MAPK10: variants seen among roughly 807,000 people sequenced by gnomAD.
MAPK10 encodes the protein JNK3 alpha protein kinase.
MAPK10 carries 25 observed loss-of-function variants against 59.3 expected under a neutral mutation model. The ratio of observed to expected loss-of-function variants is 0.42; its 90% CI spans 0.31 to 0.59. MAPK10 has a LOEUF of 0.59. Ranked by LOEUF, MAPK10 falls within the 20% of genes least tolerant of loss-of-function variation. The pLI is 0.15. For missense variants in MAPK10, 351 were observed against 568.9 expected (o/e 0.62, Z 3.90); for synonymous variants, 190 against 200.5 (o/e 0.95, Z 0.44).
At chr4:86,398,341 T>C (rs1743248695) in intron 1 of MAPK10, among the ~76,000 whole-genome samples, 3 of 152,178 alleles carry the variant, frequency 2.0e-5, no homozygotes, top group Non-Finnish European at 2.9e-5. Context: ...GGGAACCAAC[T>C]CATTTGCATT....
intron 2 of MAPK10, among the ~76,000 whole-genome samples, chr4:86,304,297 A>G (rs1216050846): frequency 2.8e-5 from 4 of 145,240 alleles, no homozygotes; most frequent in African/African-American, 7.4e-5. Flanking sequence ...TGAAGTGTCA[A>G]GTTAAAAGAT....
rs1337192671 is a variant in MAPK10, at chr4:86,017,441, C to T, written c.1253-71G>A. 1 of 1,549,080 alleles carries T rather than the reference C, an allele frequency of 6.5e-7. No homozygotes were observed. Among genetic ancestry groups the T allele is most frequent in the Non-Finnish European group, 8.9e-7 (1 of 1,128,926 alleles). ...ACCCATCTTAATGCCATTCAGGATT[C>T]AGGGATGGGCAAATACAATAGGGGA... On this transcript the variant is annotated intron_variant, in intron 13 of 13. Transcript: ENST00000641462. This position sits in a 1 kb window ranked among gnomAD's most constrained non-coding sequence, Gnocchi z 4.4.
chr4:86,174,408 G>A (rs927926926), intron 3 of MAPK10, among the ~76,000 whole-genome samples: 1 of 152,136 alleles, frequency 6.6e-6, no homozygotes, highest in African/African-American at 2.4e-5. Context: ...ATAAGTGGGA[G>A]CTGAAAAATG....
chr4:86,172,095 C>G (rs373642493), intron 3 of MAPK10, among the ~76,000 whole-genome samples: 18,472 of 112,328 alleles, frequency 0.16, 2,917 homozygotes, highest in African/African-American at 0.38. Context: ...AGAGGATGTG[C>G]AGAAATAGGA....
At chr4:86,195,076 T>A (rs1459171508) in intron 2 of MAPK10, among the ~76,000 whole-genome samples, 1 of 152,164 alleles carries the variant, frequency 6.6e-6, no homozygotes, top group African/African-American at 2.4e-5. Flanking sequence ...AAAAATTCAA[T>A]TATATCATTT....
chr4:86,204,483 C>CA (rs1199292736), intron 2 of MAPK10, among the ~76,000 whole-genome samples: 1 of 151,762 alleles, frequency 6.6e-6, no homozygotes, highest in African/African-American at 2.4e-5. Flanking sequence ...AAAGGGACAC[C>CA]AATCAAGATA....
intron 1 of MAPK10, among the ~76,000 whole-genome samples, chr4:86,543,897 C>A (rs1456707107): frequency 6.6e-6 from 1 of 152,126 alleles, no homozygotes; most frequent in Non-Finnish European, 1.5e-5. Flanking sequence ...AACAAAAATA[C>A]CAACAACAAA....
At position 86,182,329 on chromosome 4, in the gene MAPK10, T is replaced by C. The variant is rs532150485; in HGVS notation, c.66+12007A>G. The stretch of plus-strand genomic sequence containing the variant: ...ACCTATTTTCTGTTAACAAATACTA[T>C]TCAGCAATTTCATTTTCCGTATTTC... On this transcript the variant is annotated intron_variant, in intron 3 of 13. Coordinates refer to ENST00000641462, the MANE Select transcript of MAPK10 (RefSeq NM_138982.4). Among the ~76,000 whole-genome samples the C allele has an allele frequency of 1.1e-4, 16 of 152,292 alleles. No individual in the cohort carries two copies. The South Asian group carries it at 3.3e-3, about 32-fold the overall frequency.
At chr4:86,189,231 T>C (rs1282722537) in intron 3 of MAPK10, among the ~76,000 whole-genome samples, 1 of 152,206 alleles carries the variant, frequency 6.6e-6, no homozygotes, top group Non-Finnish European at 1.5e-5. Flanking sequence ...TTATGGGCTC[T>C]TTTTTGGTTC....
At chr4:86,569,641 C>T (rs1345867770) in intron 1 of MAPK10, among the ~76,000 whole-genome samples, 1 of 152,044 alleles carries the variant, frequency 6.6e-6, no homozygotes, top group African/African-American at 2.4e-5. Context: ...AAAACCATGT[C>T]TTTTGCAGCA....
At chr4:86,205,168 AT>A (rs2083523879) in intron 2 of MAPK10, among the ~76,000 whole-genome samples, 1 of 152,026 alleles carries the variant, frequency 6.6e-6, no homozygotes. Flanking sequence ...ACATAAAAAA[AT>A]ATTTAAACCA....
At chr4:86,531,017 C>T (rs1454106615) in intron 1 of MAPK10, among the ~76,000 whole-genome samples, 2 of 152,182 alleles carry the variant, frequency 1.3e-5, no homozygotes, top group Non-Finnish European at 2.9e-5. Flanking sequence ...CTGACCAACA[C>T]AGAAGAAATC....
chr4:86,286,207 T>C (rs1160707522), intron 2 of MAPK10, among the ~76,000 whole-genome samples: 2 of 152,336 alleles, frequency 1.3e-5, no homozygotes, highest in East Asian at 3.9e-4. Flanking sequence ...TTGCAATCCT[T>C]GGCCTACAGA....
At chr4:86,116,042 C>T (rs953947077) in intron 4 of MAPK10, among the ~76,000 whole-genome samples, 2 of 152,178 alleles carry the variant, frequency 1.3e-5, no homozygotes, top group African/African-American at 4.8e-5. Context: ...AAAGTTAAGT[C>T]ATTGTATTGG....
intron 4 of MAPK10, chr4:86,120,014 TCTC>T (rs2058977499): frequency 6.6e-6 from 1 of 152,170 alleles, no homozygotes; most frequent in South Asian, 2.1e-4. Context: ...TCCTAATAAA[TCTC>T]CTGCATGAAA....
At chr4:86,449,741 A>G (rs1295798672) in intron 1 of MAPK10, among the ~76,000 whole-genome samples, 1 of 152,254 alleles carries the variant, frequency 6.6e-6, no homozygotes, top group Admixed American at 6.5e-5. Context: ...TACGTGGCAA[A>G]GGCGATAGCA....
At chr4:86,496,667 C>T (rs1053845314) in intron 1 of MAPK10, among the ~76,000 whole-genome samples, 1 of 151,952 alleles carries the variant, frequency 6.6e-6, no homozygotes, top group African/African-American at 2.4e-5. Flanking sequence ...AATGCAGTAC[C>T]CCAACTCCCT....
chr4:86,218,255 G>C (rs1157157577), intron 2 of MAPK10, among the ~76,000 whole-genome samples: 3 of 151,772 alleles, frequency 2.0e-5, no homozygotes, highest in African/African-American at 7.3e-5. Flanking sequence ...CTAGGCTGGA[G>C]TGCAGTGGCG....
intron 11 of MAPK10, among the ~76,000 whole-genome samples, chr4:86,049,753 T>C (rs1331164246): frequency 1.3e-5 from 2 of 152,144 alleles, no homozygotes; most frequent in Non-Finnish European, 2.9e-5. Context: ...TCTTTCTTCA[T>C]CTCCATTGCC....
Sources: allele counts gnomAD v4.1 joint callset (sites outside exome capture counted in the v4.1 genomes callset), GRCh38; gene constraint gnomAD v4.1.1; non-coding constraint Gnocchi (gnomAD v3.1); transcripts MANE v1.5; gene names NCBI Gene and HGNC (gene_info 2026-07-23, HGNC 2026-07-21).